The following TBC1D9B variants were observed in gnomAD, a reference collection of about 807,000 sequenced individuals.
TBC1D9B encodes TBC1 domain family member 9B.
A neutral mutation model predicts 121.1 loss-of-function variants in TBC1D9B; 87 were observed. The observed-to-expected ratio is 0.72, with a 90% CI of 0.60 to 0.86. The LOEUF (loss-of-function observed/expected upper bound fraction) is 0.86. Ranked by LOEUF, TBC1D9B falls within the 40% of genes least tolerant of loss-of-function variation. TBC1D9B has a pLI of 0.00. For missense variants in TBC1D9B, 1,540 were observed against 1,628.6 expected (o/e 0.95, Z 0.94); for synonymous variants, 668 against 670.1 (o/e 1.00, Z 0.05).
chr5:179,879,241 C>G (rs1468382703), intron 8 of TBC1D9B, 44 bp from the exon 9 acceptor site: 1 of 1,577,402 alleles, frequency 6.3e-7, no homozygotes, highest in East Asian at 2.3e-5. Context: ...CGAAGCGCAT[C>G]TGAGTGCCGA....
chr5:179,894,252 CTT>C, intron 4 of TBC1D9B, 132 bp downstream of exon 4: 1 of 849,258 alleles, frequency 1.2e-6, no homozygotes, highest in Non-Finnish European at 1.8e-6. Flanking sequence ...ACAGTCCCAT[CTT>C]GGGCCGCTAA....
intron 3 of TBC1D9B, 130 bp downstream of exon 3, chr5:179,899,059 C>A (rs967801880): frequency 7.1e-6 from 5 of 700,046 alleles, no homozygotes; most frequent in Non-Finnish European, 1.2e-5. Context: ...AGAGAAGGAG[C>A]GCTGACACTT....
At position 179,879,915 on chromosome 5, in the gene TBC1D9B, CGGA is replaced by C. The variant is rs1760487401; in HGVS notation, c.1255-129_1255-127del. Reference sequence around the variant, plus strand: ...AAGGGCCATGGGGGCAAACGGTGCACGGAGAAGAGCCTGTCTGGCTGGGCAGGA... The same window carrying C: ...AAGGGCCATGGGGGCAAACGGTGCACGAAGAGCCTGTCTGGCTGGGCAGGA... On this transcript the variant is annotated intron_variant, in intron 7 of 20. Coordinates refer to ENST00000355235, the MANE Select transcript of TBC1D9B (RefSeq NM_015043.4). The C allele has an allele frequency of 2.6e-5, 30 of 1,165,266 alleles. No individual in the cohort carries two copies. In the South Asian group the frequency reaches 4.5e-4, roughly 18 times the overall value. The allele number at this position is 1,165,266 out of a possible 1,614,324, so 72.2% of individuals were successfully genotyped here. A position where few individuals can be genotyped will look rare whatever the true frequency, so the allele number is the denominator to read the frequency against.
intron 14 of TBC1D9B, 31 bp downstream of exon 14, chr5:179,872,858 CCCA>C: frequency 6.5e-7 from 1 of 1,540,136 alleles, no homozygotes; most frequent in Non-Finnish European, 8.9e-7. Context: ...GCCCCCCCAG[CCCA>C]GCCCCTGCCC....
intron 3 of TBC1D9B, among the ~76,000 whole-genome samples, chr5:179,896,270 C>A (rs1761015815): frequency 6.6e-6 from 1 of 152,166 alleles, no homozygotes; most frequent in Admixed American, 6.6e-5. Context: ...CTGTTTTTGT[C>A]TTGTTAATCT....
chr5:179,883,962 CTTGT>C (rs1760607408), intron 7 of TBC1D9B, among the ~76,000 whole-genome samples: 1 of 152,148 alleles, frequency 6.6e-6, no homozygotes, highest in African/African-American at 2.4e-5. Flanking sequence ...CCACCTCTTT[CTTGT>C]ATCTAAAGCT....
Position 179,865,971 on chromosome 5 carries a change from CTG to C in TBC1D9B, c.2864-85_2864-84del, listed in dbSNP as rs1284815370. 6.5e-7 allele frequency: 1 copy of C among 1,547,006 alleles called. No individual in the cohort carries two copies. The highest frequency in any genetic ancestry group is 1.4e-5 in the African/African-American group (1 of 73,552). On this transcript the variant is annotated intron_variant, in intron 18 of 20. Coordinates refer to ENST00000355235, the MANE Select transcript of TBC1D9B (RefSeq NM_015043.4). The surrounding 1 kb of genome is among the most constrained non-coding windows in gnomAD (Gnocchi z 5.1). ...GCTCCTGGGGTCCTTGAGATGTAGT[CTG>C]TGTTTCTGTACAGCCAGCCCCAGGC...
intron 1 of TBC1D9B, among the ~76,000 whole-genome samples, chr5:179,906,888 C>T (rs573427783): frequency 2.0e-5 from 3 of 152,366 alleles, no homozygotes; most frequent in Non-Finnish European, 4.4e-5. Flanking sequence ...CCCCGAAGAG[C>T]ACAGGCACTG....
At chr5:179,866,012 G>T in intron 18 of TBC1D9B, 124 bp from the exon 19 acceptor site, 1 of 1,202,554 alleles carries the variant, frequency 8.3e-7, no homozygotes, top group Non-Finnish European at 1.2e-6. Context: ...GCCCTGGGGA[G>T]CAGGTCTCCC....
chr5:179,862,450 C>T lies in TBC1D9B; in HGVS notation c.*998G>A. 4.7e-6 allele frequency: 2 copies of T among 424,974 alleles called. No individual in the cohort carries two copies. The highest frequency in any genetic ancestry group is 3.2e-5 in the South Asian group (2 of 62,194). The allele number at this position is 424,974 out of a possible 1,614,324, so 26.3% of individuals were successfully genotyped here. ...CCCAAGGGCAGACAGCTTGCTACAG[C>T]CCAGGCCTGAGGATGCACTTCCTTC... On this transcript the variant is annotated 3_prime_UTR_variant, in exon 21 of 21. Coordinates refer to ENST00000355235, the MANE Select transcript of TBC1D9B (RefSeq NM_015043.4).
At position 179,907,417 on chromosome 5, in the gene TBC1D9B, G is replaced by A. The variant is rs1351119885; in HGVS notation, c.118+287C>T. On this transcript the variant is annotated intron_variant, in intron 1 of 20. Coordinates refer to ENST00000355235, the MANE Select transcript of TBC1D9B (RefSeq NM_015043.4). The surrounding 1 kb of genome is among the most constrained non-coding windows in gnomAD (Gnocchi z 5.3). ...CCCGGGGCTCGCGGGCGCCGAATCC[G>A]GGCAGAAGCCGCCGCCGGTCTCCAC... is the stretch of plus-strand genomic sequence containing the variant. Among the ~76,000 whole-genome samples, 1 of 151,300 alleles carries A rather than the reference G, an allele frequency of 6.6e-6. No homozygotes were observed. Among genetic ancestry groups the A allele is most frequent in the Non-Finnish European group, 1.5e-5 (1 of 67,426 alleles).
chr5:179,878,170 T>A (rs1378385361), intron 10 of TBC1D9B, 139 bp downstream of exon 10: 3 of 910,016 alleles, frequency 3.3e-6, no homozygotes. Flanking sequence ...AATACTGTTT[T>A]TAAATTACAT....
rs562121131 is a variant in TBC1D9B, at chr5:179,894,481, G to T, written c.482C>A (p.Ser161Tyr). Reference sequence around the variant, plus strand: ...CACGCGGCCCTTCCAGTAGCTGCAGGAGTAGTAATTCACCAGCTTCTCGCC... The same window carrying T: ...CACGCGGCCCTTCCAGTAGCTGCAGTAGTAGTAATTCACCAGCTTCTCGCC... ...PEGEKLVNYY[S>Y]CSYWKGRVPR... Residue 161 changes from serine to tyrosine, a missense_variant, in exon 4 of 21, where the codon TCC becomes TAC. By Grantham distance (144) the Ser-to-Tyr change is moderately radical. Transcript: ENST00000355235. 1.3e-5 allele frequency: 21 copies of T among 1,614,208 alleles called. No individual in the cohort carries two copies. The highest frequency in any genetic ancestry group is 3.3e-5 in the Admixed American group (2 of 60,022).
At chr5:179,887,082 G>C (rs1279139951) in intron 7 of TBC1D9B, among the ~76,000 whole-genome samples, 1 of 149,188 alleles carries the variant, frequency 6.7e-6, no homozygotes, top group African/African-American at 2.6e-5. Flanking sequence ...TTGACAACTG[G>C]TGAGTAAGAG....
chr5:179,870,695 T>G lies in TBC1D9B; in HGVS notation c.2485-200A>C. On this transcript the variant is annotated intron_variant, in intron 15 of 20. Transcript: ENST00000355235. ...CCTTGTTAACAGATGGGGAGGGGGTTGGCTGAGAGACAGAGTCCTTGGCAG... is the reference window on the plus strand; with the variant it reads ...CCTTGTTAACAGATGGGGAGGGGGTGGGCTGAGAGACAGAGTCCTTGGCAG... 5 of 807,632 alleles carry G rather than the reference T, an allele frequency of 6.2e-6. No individual in the cohort carries two copies. The South Asian group carries it at 9.6e-5, about 15-fold the overall frequency. 50.0% of individuals were successfully genotyped at this position (807,632 alleles called of 1,614,324 possible). A position where few individuals can be genotyped will look rare whatever the true frequency, so the allele number is the denominator to read the frequency against.
intron 3 of TBC1D9B, among the ~76,000 whole-genome samples, chr5:179,896,578 T>A (rs270332): frequency 0.095 from 14,405 of 151,978 alleles, 2,255 homozygotes; most frequent in African/African-American, 0.33. Flanking sequence ...GCTGGAATGC[T>A]GTGGCGCAAT....
intron 3 of TBC1D9B, among the ~76,000 whole-genome samples, chr5:179,896,975 C>T (rs1053076354): frequency 2.9e-4 from 44 of 151,354 alleles, no homozygotes; most frequent in Non-Finnish European, 5.5e-4. Context: ...GGCATGATCT[C>T]GGCTCACTGC....
Position 179,888,317 on chromosome 5 carries a change from G to A in TBC1D9B, c.1045-5C>T, listed in dbSNP as rs746757870. On this transcript the variant is annotated splice_region_variant and splice_polypyrimidine_tract_variant and intron_variant, in intron 6 of 20. Transcript: ENST00000355235. Reference sequence around the variant, plus strand: ...AGCTTTTTCGACAATGGTCACCTGAGAAGGTGAAAGAACTCTTTTGGGTGT... The same window carrying A: ...AGCTTTTTCGACAATGGTCACCTGAAAAGGTGAAAGAACTCTTTTGGGTGT... 3 of 1,611,422 alleles carry A rather than the reference G, an allele frequency of 1.9e-6. No individual in the cohort carries two copies. The highest frequency in any genetic ancestry group is 1.7e-5 in the Admixed American group (1 of 59,042).
At chr5:179,879,300 C>G (rs1760461683) in intron 8 of TBC1D9B, 103 bp from the exon 9 acceptor site, 6 of 1,474,244 alleles carry the variant, frequency 4.1e-6, no homozygotes, top group Non-Finnish European at 4.5e-6. Context: ...CAGTGCTGGC[C>G]AGCAAGTGTG....
Sources: gnomAD v4.1 joint callset for allele counts (sites outside exome capture counted in the v4.1 genomes callset) on GRCh38, gnomAD v4.1.1 for gene constraint, Gnocchi (gnomAD v3.1) non-coding constraint, MANE v1.5 for transcripts, NCBI Gene and HGNC (gene_info 2026-07-23, HGNC 2026-07-21) for gene names.